The following RIC1 variants were observed in gnomAD, a reference collection of about 807,000 sequenced individuals.
The protein encoded by RIC1 is RIC1 partner of RAB6A GEF complex.
In RIC1, 88 loss-of-function variants were observed where a neutral mutation model predicts 169.0. The observed-to-expected ratio is 0.52, with a 90% CI of 0.44 to 0.62. The LOEUF (loss-of-function observed/expected upper bound fraction) is 0.62, where lower values mean the gene tolerates loss of function less well. RIC1 is among the 20% of genes least tolerant of loss of function. The pLI, the probability that RIC1 is intolerant of heterozygous loss-of-function variation, is 0.00. For synonymous variants in RIC1, 790 were observed against 601.5 expected, an observed-to-expected ratio of 1.31 and a Z score of -4.59; for missense variants, 1,877 against 1,725.5, an observed-to-expected ratio of 1.09 and a Z score of -1.56.
chr9:5,737,671 A>G (rs1356824039), intron 7 of RIC1, among the ~76,000 whole-genome samples: 1 of 151,798 alleles, frequency 6.6e-6, no homozygotes, highest in Non-Finnish European at 1.5e-5. Flanking sequence ...CAACCCCCCA[A>G]CACAGTTGAA....
intron 17 of RIC1, among the ~76,000 whole-genome samples, chr9:5,759,502 G>A (rs1337184154): frequency 6.6e-6 from 1 of 152,210 alleles, no homozygotes; most frequent in Admixed American, 6.5e-5. Flanking sequence ...AAAGTCATTT[G>A]TGAGGCAAAT....
chr9:5,634,291 G>T (rs1817864357), intron 1 of RIC1, among the ~76,000 whole-genome samples: 1 of 152,174 alleles, frequency 6.6e-6, no homozygotes, highest in Non-Finnish European at 1.5e-5. Context: ...CCTGTTTTTA[G>T]TTTGAGGAAC....
In RIC1 at chr9:5,772,448, G is replaced by A. The variant is rs79657369; in HGVS notation, c.3617-116G>A. 2.1e-3 allele frequency: 1,641 copies of A among 785,892 alleles called. 19 individuals are homozygous for A. Among genetic ancestry groups the A allele is most frequent in the African/African-American group, 0.012 (682 of 56,670 alleles). The allele number at this position is 785,892 out of a possible 1,614,324, so 48.7% of individuals were successfully genotyped here. A position where few individuals can be genotyped will look rare whatever the true frequency, so the allele number is the denominator to read the frequency against. On this transcript the variant is annotated intron_variant, in intron 23 of 25. Transcript: ENST00000414202. Reference sequence around the variant, plus strand: ...TGGTAATTTTAGCCATGGATTTCATGTTTTAGTTTCAAGATCCTGAGAAAT... The same window carrying A: ...TGGTAATTTTAGCCATGGATTTCATATTTTAGTTTCAAGATCCTGAGAAAT...
At chr9:5,678,106 T>C (rs1053741189) in intron 2 of RIC1, among the ~76,000 whole-genome samples, 8 of 152,158 alleles carry the variant, frequency 5.3e-5, no homozygotes, top group Admixed American at 5.2e-4. Flanking sequence ...TGTTTGTTTT[T>C]TTGTCCTTGG....
intron 3 of RIC1, among the ~76,000 whole-genome samples, chr9:5,708,882 G>A (rs1487829447): frequency 6.7e-6 from 1 of 148,652 alleles, no homozygotes; most frequent in Non-Finnish European, 1.5e-5. Context: ...TATTTATGAT[G>A]TTGTTCCCAT....
At chr9:5,676,923 T>C (rs1186464150) in intron 2 of RIC1, among the ~76,000 whole-genome samples, 1 of 152,264 alleles carries the variant, frequency 6.6e-6, no homozygotes, top group Non-Finnish European at 1.5e-5. Flanking sequence ...TATCCATTCA[T>C]CTGTTGATGG....
chr9:5,700,764 G>C (rs569332725), intron 3 of RIC1, among the ~76,000 whole-genome samples: 10 of 152,088 alleles, frequency 6.6e-5, no homozygotes, highest in Non-Finnish European at 1.5e-4. Context: ...TGGGAAAATC[G>C]TTGGAACAGA....
chr9:5,717,783 G>C (rs1823344900), intron 4 of RIC1, among the ~76,000 whole-genome samples: 1 of 151,282 alleles, frequency 6.6e-6, no homozygotes, highest in Non-Finnish European at 1.5e-5. Flanking sequence ...GTTTCAGTGA[G>C]CTGAGATCGC....
At chr9:5,713,210 G>A (rs964551855) in intron 3 of RIC1, 1 of 152,182 alleles carries the variant, frequency 6.6e-6, no homozygotes, top group African/African-American at 2.4e-5. Flanking sequence ...TTCCAGCACA[G>A]GCACTGAAGA....
chr9:5,773,766 T>G (rs1050573232), intron 25 of RIC1, among the ~76,000 whole-genome samples, 192 bp from the exon 26 acceptor site: 1 of 152,194 alleles, frequency 6.6e-6, no homozygotes, highest in South Asian at 2.1e-4. Flanking sequence ...CTCAGGCTTA[T>G]GCAATGTGCA....
chr9:5,755,624 C>A (rs192908748), intron 15 of RIC1, among the ~76,000 whole-genome samples: 1 of 152,202 alleles, frequency 6.6e-6, no homozygotes, highest in Non-Finnish European at 1.5e-5. Context: ...TGTATCAGGT[C>A]TAAATCTGCA....
chr9:5,769,396 G>A, intron 22 of RIC1, 140 bp downstream of exon 22: 2 of 1,579,994 alleles, frequency 1.3e-6, no homozygotes, highest in Non-Finnish European at 8.6e-7. Context: ...TTTTGTACAT[G>A]AGTTGGAATG....
intron 2 of RIC1, among the ~76,000 whole-genome samples, chr9:5,688,419 T>C (rs1365477971): frequency 1.3e-5 from 2 of 152,224 alleles, no homozygotes; most frequent in Non-Finnish European, 2.9e-5. Context: ...TTTTGAAAAG[T>C]ATTTCATAGA....
chr9:5,647,981 TG>T (rs140392883), intron 1 of RIC1, among the ~76,000 whole-genome samples: 3,684 of 71,660 alleles, frequency 0.051, 210 homozygotes, highest in African/African-American at 0.15. Context: ...GTGATGGTGG[TG>T]GTGGTGGTGG....
In RIC1 at chr9:5,771,945, C is replaced by T. The variant is rs538951395; in HGVS notation, c.3617-619C>T. 7.9e-5 allele frequency among the ~76,000 whole-genome samples: 12 copies of T among 152,198 alleles called. No homozygotes were observed. The East Asian group carries it at 2.3e-3, about 29-fold the overall frequency. ...TTTCAGTTTTTTTCCTACAAGGACTCTTTAAGAATTATGACCAAAATACCA... is the reference window on the plus strand; with the variant it reads ...TTTCAGTTTTTTTCCTACAAGGACTTTTTAAGAATTATGACCAAAATACCA... On this transcript the variant is annotated intron_variant, in intron 23 of 25. Coordinates refer to ENST00000414202, the MANE Select transcript of RIC1 (RefSeq NM_020829.4).
intron 25 of RIC1, 43 bp from the exon 26 acceptor site, chr9:5,773,915 T>C (rs747751104): frequency 2.0e-6 from 3 of 1,507,362 alleles, no homozygotes; most frequent in Non-Finnish European, 2.7e-6. Context: ...ACCAAACCTT[T>C]TGAATTATGG....
rs1825352811 is a variant in RIC1 at position 5,745,966 on chromosome 9, C to G, written c.1131C>G (p.Ile377Met). The G allele has an allele frequency of 1.9e-6, 3 of 1,613,674 alleles. No individual in the cohort carries two copies. The highest frequency in any genetic ancestry group is 2.5e-6 in the Non-Finnish European group (3 of 1,179,688). The change falls in exon 11 of 26, where the codon ATC (isoleucine) becomes ATG (methionine). Residue 377 changes from isoleucine (I) to methionine (M), a missense_variant. Ile to Met is a conservative substitution (Grantham distance 10). Coordinates refer to ENST00000414202, the MANE Select transcript of RIC1 (RefSeq NM_020829.4). ...WGAEGYHLWV[I>M]SGFGSQNTEI... ...CAGAAGGCTATCACCTATGGGTAATCAGCGGATTTGGTTCTCAAAACACTG... is the reference window on the plus strand; with the variant it reads ...CAGAAGGCTATCACCTATGGGTAATGAGCGGATTTGGTTCTCAAAACACTG...
intron 3 of RIC1, among the ~76,000 whole-genome samples, chr9:5,707,594 A>G (rs563314099): frequency 2.0e-5 from 3 of 152,212 alleles, no homozygotes; most frequent in African/African-American, 7.2e-5. Flanking sequence ...TCTTCTTGCT[A>G]GATTGACTGT....
chr9:5,758,698 C>T (rs917428888), intron 17 of RIC1, among the ~76,000 whole-genome samples: 1 of 150,596 alleles, frequency 6.6e-6, no homozygotes, highest in Non-Finnish European at 1.5e-5. Flanking sequence ...TATTCTAGAC[C>T]CCTTAAGCAT....
Sources: gnomAD v4.1 joint callset for allele counts (sites outside exome capture counted in the v4.1 genomes callset) on GRCh38, gnomAD v4.1.1 for gene constraint, MANE v1.5 for transcripts, NCBI Gene and HGNC (gene_info 2026-07-23, HGNC 2026-07-21) for gene names.